The following ALK variants were observed in gnomAD, a reference collection of about 807,000 sequenced individuals.
ALK encodes ALK receptor tyrosine kinase.
Under a neutral mutation model 163.1 loss-of-function variants are expected in ALK, and 74 were observed. The ratio of observed to expected loss-of-function variants is 0.45; its 90% confidence interval spans 0.38 to 0.55. ALK has a LOEUF of 0.55. Ranked by LOEUF, ALK falls within the 20% of genes least tolerant of loss-of-function variation. The pLI is 0.00. For missense variants in ALK, 2,063 were observed against 2,105.3 expected, an observed-to-expected ratio of 0.98 and a Z score of 0.39; for synonymous variants, 960 against 843.2, an observed-to-expected ratio of 1.14 and a Z score of -2.40.
Position 29,420,946 on chromosome 2 carries a change from G to A in ALK, c.1155-37087C>T, listed in dbSNP as rs552554758. Among the ~76,000 whole-genome samples, 67 of 151,616 alleles carry A rather than the reference G, an allele frequency of 4.4e-4. 1 individual carries two copies. The highest frequency in any genetic ancestry group is 1.4e-3 in the African/African-American group (57 of 40,930). Reference sequence around the variant, plus strand: ...CACTTTGTGATTACATGCTCGGGGAGGTCGCATGTTCTCCCCATCACAGAA... The same window carrying A: ...CACTTTGTGATTACATGCTCGGGGAAGTCGCATGTTCTCCCCATCACAGAA... On this transcript the variant is annotated intron_variant, in intron 4 of 28. Transcript: ENST00000389048.
chr2:29,786,443 C>G (rs1461943913), intron 1 of ALK, among the ~76,000 whole-genome samples: 3 of 152,218 alleles, frequency 2.0e-5, no homozygotes, highest in Non-Finnish European at 4.4e-5. Context: ...GAACAAATAA[C>G]TTCTCCTAGA....
chr2:29,830,955 A>AGAAGAAGAAGAAG (rs1365660150), intron 1 of ALK, among the ~76,000 whole-genome samples: 2 of 27,732 alleles, frequency 7.2e-5, no homozygotes, highest in African/African-American at 2.4e-4. Context: ...AAGAAGAAGA[A>AGAAGAAGAAGAAG]AAGAAGAAGA....
chr2:29,468,185 C>A (rs1671259164), intron 4 of ALK, among the ~76,000 whole-genome samples: 1 of 152,170 alleles, frequency 6.6e-6, no homozygotes, highest in Non-Finnish European at 1.5e-5. Context: ...CGTGCCACCA[C>A]ACCCAGCTAA....
chr2:29,521,094 A>G (rs1243634019), intron 4 of ALK, among the ~76,000 whole-genome samples: 1 of 152,186 alleles, frequency 6.6e-6, no homozygotes, highest in Non-Finnish European at 1.5e-5. Context: ...GAAAGCCTGG[A>G]TCACACAGTG....
chr2:29,681,991 G>T (rs555974102), intron 3 of ALK, among the ~76,000 whole-genome samples: 1 of 152,276 alleles, frequency 6.6e-6, no homozygotes, highest in African/African-American at 2.4e-5. Flanking sequence ...AGCAAGCAAT[G>T]TTTCCTAAAT....
chr2:29,748,911 A>G (rs1022465552), intron 1 of ALK, among the ~76,000 whole-genome samples: 9 of 152,026 alleles, frequency 5.9e-5, no homozygotes, highest in Non-Finnish European at 1.2e-4. Flanking sequence ...ACTCCTGGCT[A>G]ATTTTTGTAT....
rs1239620138 is a variant in ALK at position 29,227,576 on chromosome 2, T to C, written c.2912A>G (p.Lys971Arg). The C allele has an allele frequency of 6.2e-7, 1 of 1,613,412 alleles. No individual in the cohort carries two copies. Among genetic ancestry groups the C allele is most frequent in the South Asian group, 1.1e-5 (1 of 91,076 alleles). Residue 971 changes from lysine (K) to arginine (R), a missense_variant and splice_region_variant, in exon 17 of 29, where the codon AAA becomes AGA. Around this residue, in one of 5 missense-constraint regions of ALK, gnomAD observed 575 missense variants for 626.6 expected, o/e 0.92. Coordinates refer to ENST00000389048, the MANE Select transcript of ALK (RefSeq NM_004304.5). This position sits in a 1 kb window ranked among gnomAD's most constrained non-coding sequence, Gnocchi z 4.4. ...CTGCTGCCTGGCAGAGAAGCTACCT[T>C]TTAAAGCTGGGGTGTACAGGATGCC... ...PLGILYTPAL[K>R]VMEGHGEVNI... is the part of the protein sequence containing the mutation.
At chr2:29,220,404 A>C (rs902279454) in intron 23 of ALK, among the ~76,000 whole-genome samples, 1 of 152,188 alleles carries the variant, frequency 6.6e-6, no homozygotes, top group African/African-American at 2.4e-5. Context: ...TGAGCCACTT[A>C]AATCTCTTTT....
At chr2:29,669,680 C>T (rs1677623566) in intron 3 of ALK, among the ~76,000 whole-genome samples, 1 of 151,896 alleles carries the variant, frequency 6.6e-6, no homozygotes, top group Admixed American at 6.6e-5. Flanking sequence ...CCTTTCTTAC[C>T]ATTTCCCTTT....
At chr2:29,529,128 C>T (rs1426641519) in intron 4 of ALK, among the ~76,000 whole-genome samples, 1 of 152,212 alleles carries the variant, frequency 6.6e-6, no homozygotes, top group Non-Finnish European at 1.5e-5. Context: ...GTCTGCTGCT[C>T]CTGCCCCACC....
intron 5 of ALK, among the ~76,000 whole-genome samples, chr2:29,345,937 T>C (rs556972930): frequency 2.0e-5 from 3 of 152,148 alleles, no homozygotes; most frequent in Non-Finnish European, 2.9e-5. Flanking sequence ...CTAGAAGGAA[T>C]GTATGTCAAA....
At chr2:29,790,675 C>T (rs997390238) in intron 1 of ALK, among the ~76,000 whole-genome samples, 1 of 152,262 alleles carries the variant, frequency 6.6e-6, no homozygotes, top group African/African-American at 2.4e-5. Context: ...CCTCTGCCTC[C>T]CAGGTTCAAG....
At chr2:29,666,697 G>A (rs534358407) in intron 3 of ALK, among the ~76,000 whole-genome samples, 5 of 152,084 alleles carry the variant, frequency 3.3e-5, no homozygotes, top group African/African-American at 1.2e-4. Flanking sequence ...CTTTAAGCAA[G>A]TAACTTATTC....
At chr2:29,369,875 T>C (rs1015817176) in intron 5 of ALK, among the ~76,000 whole-genome samples, 10 of 152,200 alleles carry the variant, frequency 6.6e-5, no homozygotes, top group African/African-American at 2.2e-4. Flanking sequence ...CACCTGCTTT[T>C]GCATTACATA....
intron 4 of ALK, among the ~76,000 whole-genome samples, chr2:29,530,470 C>A (rs539203432): frequency 5.1e-4 from 78 of 152,346 alleles, no homozygotes; most frequent in African/African-American, 1.8e-3. Flanking sequence ...ACCAGCACCA[C>A]AATGGACTGA....
intron 1 of ALK, among the ~76,000 whole-genome samples, chr2:29,863,185 CT>C (rs1248656867): frequency 6.6e-6 from 1 of 152,130 alleles, no homozygotes. Context: ...AGAGGAAAAG[CT>C]TTTTGACATT....
At chr2:29,405,782 C>G (rs766493820) in intron 4 of ALK, among the ~76,000 whole-genome samples, 3 of 152,130 alleles carry the variant, frequency 2.0e-5, no homozygotes, top group Non-Finnish European at 4.4e-5. Context: ...AAATAGGCAG[C>G]TGAAATAATG....
chr2:29,853,479 C>T (rs983004044), intron 1 of ALK, among the ~76,000 whole-genome samples: 3 of 152,080 alleles, frequency 2.0e-5, no homozygotes, highest in Non-Finnish European at 4.4e-5. Context: ...GATCCCAGGC[C>T]CCCCACACCT....
At chr2:29,382,247 T>C (rs2148300296) in intron 5 of ALK, among the ~76,000 whole-genome samples, 1 of 152,120 alleles carries the variant, frequency 6.6e-6, no homozygotes, top group East Asian at 1.9e-4. Context: ...TTAGAGAGAT[T>C]TTAGGGAGGT....
Sources: gnomAD v4.1 joint callset for allele counts (sites outside exome capture counted in the v4.1 genomes callset) on GRCh38, gnomAD v4.1.1 for gene constraint, gnomAD v4.1.1 regional missense constraint, Gnocchi (gnomAD v3.1) non-coding constraint, MANE v1.5 for transcripts, NCBI Gene and HGNC (gene_info 2026-07-23, HGNC 2026-07-21) for gene names.